Variants in LINC00305 observed in about 807,000 individuals in gnomAD.
LINC00305 encodes the protein long independently transcribed non-coding RNA 305.
chr18:64,116,504 C>T (rs1480722168), intron 1 of LINC00305, among the ~76,000 whole-genome samples: 1 of 152,136 alleles, frequency 6.6e-6, no homozygotes, highest in Non-Finnish European at 1.5e-5. Flanking sequence ...TGTTAGTTCA[C>T]ATGCAGTTTT....
rs571446185 is a variant in LINC00305 at position 64,130,939 on chromosome 18, C to G, written n.314+17836G>C. 3.3e-5 allele frequency among the ~76,000 whole-genome samples: 5 copies of G among 152,196 alleles called. No individual in the cohort carries two copies. In the South Asian group the frequency reaches 1.0e-3, roughly 32 times the overall value. On this transcript the variant is annotated intron_variant and non_coding_transcript_variant, in intron 1 of 3. Coordinates refer to ENST00000666468, the Ensembl canonical transcript of LINC00305. Reference sequence around the variant, plus strand: ...TTTCATACCATCCTATGAAATGGGGCTTTAGTCTGTAGGTAAAGGACAGCT... The same window carrying G: ...TTTCATACCATCCTATGAAATGGGGGTTTAGTCTGTAGGTAAAGGACAGCT...
chr18:64,130,689 T>G (rs1292189661), intron 1 of LINC00305, among the ~76,000 whole-genome samples: 1 of 152,182 alleles, frequency 6.6e-6, no homozygotes, highest in African/African-American at 2.4e-5. Flanking sequence ...CAGTACAATC[T>G]TCACAGAAGG....
chr18:64,105,267 C>G (rs1304341786), intron 1 of LINC00305, among the ~76,000 whole-genome samples: 1 of 151,512 alleles, frequency 6.6e-6, no homozygotes, highest in Non-Finnish European at 1.5e-5. Flanking sequence ...TTGAGACCAG[C>G]CTGGCTAACA....
At chr18:64,085,680 C>T (rs189535458) in intron 3 of LINC00305, among the ~76,000 whole-genome samples, 11 of 152,266 alleles carry the variant, frequency 7.2e-5, no homozygotes, top group Admixed American at 4.6e-4. Context: ...AGGCTGGTTT[C>T]GAACTCCCAA....
intron 1 of LINC00305, among the ~76,000 whole-genome samples, chr18:64,138,860 G>T (rs2051447572): frequency 6.6e-6 from 1 of 152,098 alleles, no homozygotes; most frequent in South Asian, 2.1e-4. Context: ...GATAATGTTG[G>T]TCGTGCGCCT....
intron 1 of LINC00305, among the ~76,000 whole-genome samples, chr18:64,116,664 A>G (rs1258818227): frequency 1.3e-5 from 2 of 152,198 alleles, no homozygotes; most frequent in African/African-American, 4.8e-5. Context: ...ACATGCAGAC[A>G]TTGTGAGAGG....
At position 64,098,729 on chromosome 18, in the gene LINC00305, C is replaced by T. The variant is rs116601705; in HGVS notation, n.315-89G>A. ...GAGTAACCCTGGGAGTGTAAAAGTC[C>T]CCCATTCTTCTGTGTGAATCAGTGC... On this transcript the variant is annotated intron_variant and non_coding_transcript_variant, in intron 1 of 3. Transcript: ENST00000666468. The T allele has an allele frequency of 5.8e-4, 204 of 351,744 alleles. 1 individual carries two copies. The highest frequency in any genetic ancestry group is 4.2e-3 in the African/African-American group (197 of 46,690). 21.8% of individuals were successfully genotyped at this position (351,744 alleles called of 1,614,324 possible). A position where few individuals can be genotyped will look rare whatever the true frequency, so the allele number is the denominator to read the frequency against.
intron 1 of LINC00305, among the ~76,000 whole-genome samples, chr18:64,142,244 A>G (rs1489498476): frequency 2.0e-5 from 3 of 152,206 alleles, no homozygotes; most frequent in Non-Finnish European, 4.4e-5. Context: ...AGGTTATAAA[A>G]TGTTATGAAA....
At chr18:64,124,227 A>G (rs2051374814) in intron 1 of LINC00305, among the ~76,000 whole-genome samples, 1 of 152,130 alleles carries the variant, frequency 6.6e-6, no homozygotes, top group South Asian at 2.1e-4. Context: ...TAAGCTCTGC[A>G]TGGCATGGTC....
intron 3 of LINC00305, among the ~76,000 whole-genome samples, chr18:64,091,784 G>T (rs2051225769): frequency 6.6e-6 from 1 of 152,188 alleles, no homozygotes; most frequent in African/African-American, 2.4e-5. Context: ...TTGGTTCAGT[G>T]ATTAATTAGT....
Position 64,112,574 on chromosome 18 carries a change from G to C in LINC00305, n.315-13934C>G, listed in dbSNP as rs191914280. ...TAATACAATTTAGTGGTATGATTTTGTTGATCTTGATAAGCAAGATTCTAT... is the reference window on the plus strand; with the variant it reads ...TAATACAATTTAGTGGTATGATTTTCTTGATCTTGATAAGCAAGATTCTAT... On this transcript the variant is annotated intron_variant and non_coding_transcript_variant, in intron 1 of 3. Transcript: ENST00000666468. 9.1e-4 allele frequency among the ~76,000 whole-genome samples: 139 copies of C among 152,270 alleles called. 1 individual carries two copies. The Middle Eastern group carries it at 0.01, about 11-fold the overall frequency.
intron 1 of LINC00305, among the ~76,000 whole-genome samples, chr18:64,111,548 A>C (rs930781728): frequency 3.9e-5 from 6 of 152,228 alleles, no homozygotes; most frequent in Non-Finnish European, 2.9e-5. Context: ...ATACATAATC[A>C]TAATATTTTA....
intron 3 of LINC00305, among the ~76,000 whole-genome samples, chr18:64,090,390 C>G (rs1455009987): frequency 6.6e-6 from 1 of 152,116 alleles, no homozygotes; most frequent in Non-Finnish European, 1.5e-5. Context: ...TCCTGGTGTT[C>G]CTGTTAAGCA....
chr18:64,142,246 G>A (rs190928372), intron 1 of LINC00305, among the ~76,000 whole-genome samples: 12 of 152,280 alleles, frequency 7.9e-5, no homozygotes, highest in Admixed American at 7.8e-4. Context: ...GTTATAAAAT[G>A]TTATGAAATT....
At chr18:64,137,847 TACACAC>T (rs34096602) in intron 1 of LINC00305, among the ~76,000 whole-genome samples, 6 of 148,482 alleles carry the variant, frequency 4.0e-5, no homozygotes, top group East Asian at 2.0e-4. Flanking sequence ...TACACACACA[TACACAC>T]ACACACACAC....
At chr18:64,126,776 G>T (rs1303294017) in intron 1 of LINC00305, among the ~76,000 whole-genome samples, 1 of 152,066 alleles carries the variant, frequency 6.6e-6, no homozygotes, top group African/African-American at 2.4e-5. Flanking sequence ...ACCCCCAAGT[G>T]TAATGTTAAG....
chr18:64,117,356 T>C (rs147584002), intron 1 of LINC00305, among the ~76,000 whole-genome samples: 147 of 152,334 alleles, frequency 9.6e-4, no homozygotes, highest in Middle Eastern at 3.4e-3. Context: ...AATGTATTGT[T>C]ATCTCTGCTT....
At chr18:64,097,333 TA>T (rs1568105965) in intron 3 of LINC00305, among the ~76,000 whole-genome samples, 1 of 152,130 alleles carries the variant, frequency 6.6e-6, no homozygotes, top group Non-Finnish European at 1.5e-5. Flanking sequence ...TGTTATTTTG[TA>T]AAAACCAAAG....
intron 1 of LINC00305, among the ~76,000 whole-genome samples, chr18:64,145,854 C>T (rs547201660): frequency 2.0e-5 from 3 of 152,226 alleles, no homozygotes; most frequent in Non-Finnish European, 4.4e-5. Flanking sequence ...ATGATATACC[C>T]TCAAAGTTAG....
Sources: allele counts gnomAD v4.1 joint callset (sites outside exome capture counted in the v4.1 genomes callset), GRCh38; gene constraint gnomAD v4.1.1; transcripts MANE v1.5; gene names NCBI Gene and HGNC (gene_info 2026-07-23, HGNC 2026-07-21).